Variants in CDK14 observed in about 807,000 individuals in gnomAD.
CDK14 encodes cyclin dependent kinase 14, also known as cyclin-dependent kinase 14.
CDK14 carries 34 observed loss-of-function variants against 60.7 expected under a neutral mutation model. That is an observed-to-expected ratio of 0.56 (90% confidence interval 0.43 to 0.75). CDK14 has a LOEUF of 0.75. Ranked by LOEUF, CDK14 falls within the 30% of genes least tolerant of loss-of-function variation. CDK14 has a pLI of 0.00. For synonymous variants in CDK14, 197 were observed against 203.7 expected, an observed-to-expected ratio of 0.97 and a Z score of 0.28; for missense variants, 482 against 564.1, an observed-to-expected ratio of 0.85 and a Z score of 1.47.
At chr7:90,708,173 G>A (rs982375345) in intron 2 of CDK14, among the ~76,000 whole-genome samples, 3 of 152,198 alleles carry the variant, frequency 2.0e-5, no homozygotes, top group African/African-American at 4.8e-5. Flanking sequence ...GTATTATGTG[G>A]TATTTAAGTA....
At chr7:90,769,693 C>G (rs900478543) in intron 4 of CDK14, among the ~76,000 whole-genome samples, 1 of 152,134 alleles carries the variant, frequency 6.6e-6, no homozygotes, top group African/African-American at 2.4e-5. Flanking sequence ...TCTTGGACTC[C>G]TGACCTCAGG....
intron 2 of CDK14, among the ~76,000 whole-genome samples, chr7:90,667,719 G>A (rs1265730953): frequency 6.6e-6 from 1 of 151,924 alleles, no homozygotes; most frequent in Non-Finnish European, 1.5e-5. Context: ...ATAGGCGCCT[G>A]CCACCACGCC....
At chr7:91,204,594 A>G (rs1802826953) in intron 14 of CDK14, among the ~76,000 whole-genome samples, 1 of 152,230 alleles carries the variant, frequency 6.6e-6, no homozygotes, top group Non-Finnish European at 1.5e-5. Context: ...AAAAATGATC[A>G]AAGGACTTGA....
chr7:90,747,307 T>A (rs780916417), intron 3 of CDK14, among the ~76,000 whole-genome samples: 7 of 152,068 alleles, frequency 4.6e-5, no homozygotes, highest in Non-Finnish European at 1.0e-4. Context: ...TATAATAACA[T>A]GTAAAGTGTT....
chr7:90,847,505 G>A (rs981099005), intron 5 of CDK14, among the ~76,000 whole-genome samples: 2 of 151,996 alleles, frequency 1.3e-5, no homozygotes, highest in Non-Finnish European at 1.5e-5. Context: ...TTTATCCCCT[G>A]AGCTCTGTTT....
chr7:90,922,256 A>G (rs1421214342), intron 8 of CDK14, among the ~76,000 whole-genome samples: 2 of 152,200 alleles, frequency 1.3e-5, no homozygotes, highest in African/African-American at 4.8e-5. Context: ...TTTAATAGCA[A>G]AAACAACTTT....
chr7:91,189,232 A>G (rs1257155338), intron 14 of CDK14, among the ~76,000 whole-genome samples: 1 of 152,210 alleles, frequency 6.6e-6, no homozygotes, highest in Non-Finnish European at 1.5e-5. Context: ...AACTAAGCCA[A>G]GTGCCCAGTA....
chr7:90,927,390 T>G (rs1412437572), intron 8 of CDK14, among the ~76,000 whole-genome samples: 1 of 152,066 alleles, frequency 6.6e-6, no homozygotes, highest in Non-Finnish European at 1.5e-5. Flanking sequence ...TAAGACCAAA[T>G]ATTATAACAA....
At chr7:91,170,400 ATCTACTGCTTAGT>A (rs1801479864) in intron 14 of CDK14, among the ~76,000 whole-genome samples, 1 of 152,192 alleles carries the variant, frequency 6.6e-6, no homozygotes, top group Middle Eastern at 3.2e-3. Flanking sequence ...GTGTGTCCGA[ATCTACTGCTTAGT>A]TCTGATGATG....
At chr7:91,173,480 G>C (rs143821394) in intron 14 of CDK14, among the ~76,000 whole-genome samples, 6 of 151,860 alleles carry the variant, frequency 4.0e-5, no homozygotes, top group South Asian at 2.1e-4. Context: ...GAACAGCTCC[G>C]GTCTATAGCT....
At chr7:90,733,737 A>T (rs1006179639) in intron 3 of CDK14, among the ~76,000 whole-genome samples, 1 of 152,188 alleles carries the variant, frequency 6.6e-6, no homozygotes, top group Non-Finnish European at 1.5e-5. Context: ...AATACAGCAC[A>T]CTGATGGGTC....
chr7:90,736,755 A>G (rs562789491), intron 3 of CDK14, among the ~76,000 whole-genome samples: 47 of 152,314 alleles, frequency 3.1e-4, no homozygotes, highest in African/African-American at 8.4e-4. Flanking sequence ...TAATGAGGAA[A>G]GCATTGTTTT....
In CDK14 at chr7:90,990,144, T is replaced by A. The variant is rs1795488224; in HGVS notation, c.1041+5903T>A. Reference sequence around the variant, plus strand: ...ACAAAAATAATACAGTACAGTGTGGTAGTATGTGCCTATGGTCCCAGCTAC... The same window carrying A: ...ACAAAAATAATACAGTACAGTGTGGAAGTATGTGCCTATGGTCCCAGCTAC... On this transcript the variant is annotated intron_variant, in intron 10 of 14. Coordinates refer to ENST00000380050, the MANE Select transcript of CDK14 (RefSeq NM_001287135.2). Among the ~76,000 whole-genome samples the A allele has an allele frequency of 1.3e-5, 2 of 152,192 alleles. 1 individual carries two copies.
At chr7:91,058,067 C>G (rs1384164875) in intron 11 of CDK14, among the ~76,000 whole-genome samples, 2 of 152,002 alleles carry the variant, frequency 1.3e-5, no homozygotes, top group Non-Finnish European at 2.9e-5. Context: ...TTGTTTGTAT[C>G]CTCTTTTATT....
At position 91,195,267 on chromosome 7, in the gene CDK14, T is replaced by C. The variant is rs563019583; in HGVS notation, c.*29-11898T>C. Among the ~76,000 whole-genome samples the C allele has an allele frequency of 2.0e-5, 3 of 152,320 alleles. No individual in the cohort carries two copies. In the East Asian group the frequency reaches 5.8e-4, roughly 29 times the overall value. Reference sequence around the variant, plus strand: ...AGTTGCTCTTTAAAAGATTTGATAGTATTTCGGAACTCCCAATGCTACAAT... The same window carrying C: ...AGTTGCTCTTTAAAAGATTTGATAGCATTTCGGAACTCCCAATGCTACAAT... On this transcript the variant is annotated intron_variant, in intron 14 of 14. Coordinates refer to ENST00000380050, the MANE Select transcript of CDK14 (RefSeq NM_001287135.2).
chr7:90,854,653 CTT>C (rs575846938), intron 5 of CDK14, among the ~76,000 whole-genome samples: 1 of 144,570 alleles, frequency 6.9e-6, no homozygotes. Context: ...AACCACTCAT[CTT>C]TTTTTTTTTT....
intron 14 of CDK14, among the ~76,000 whole-genome samples, chr7:91,120,726 G>A (rs904814395): frequency 2.0e-5 from 3 of 151,994 alleles, no homozygotes; most frequent in Non-Finnish European, 2.9e-5. Context: ...TAGTAGAGAC[G>A]GGGTTTTGCC....
intron 14 of CDK14, among the ~76,000 whole-genome samples, chr7:91,183,345 C>CT (rs1226454872): frequency 1.3e-5 from 2 of 152,194 alleles, no homozygotes; most frequent in African/African-American, 2.4e-5. Flanking sequence ...CTGGTCTCTT[C>CT]TCCCCTTACA....
Position 91,210,391 on chromosome 7 carries a change from T to G in CDK14, c.*3255T>G. ...TGTGTACTTTCTAACAGGGGATTGG[T>G]ACCTAAGAAATGTGGTAGCATTATT... is the stretch of plus-strand genomic sequence containing the variant. On this transcript the variant is annotated 3_prime_UTR_variant, in exon 15 of 15. Transcript: ENST00000380050. 6.6e-6 allele frequency: 1 copy of G among 152,586 alleles called. No individual in the cohort carries two copies. The highest frequency in any genetic ancestry group is 1.9e-4 in the East Asian group (1 of 5,196). The allele number at this position is 152,586 out of a possible 1,614,324, so 9.5% of individuals were successfully genotyped here. A position where few individuals can be genotyped will look rare whatever the true frequency, so the allele number is the denominator to read the frequency against.
Sources: allele counts gnomAD v4.1 joint callset (sites outside exome capture counted in the v4.1 genomes callset), GRCh38; gene constraint gnomAD v4.1.1; transcripts MANE v1.5; gene names NCBI Gene and HGNC (gene_info 2026-07-23, HGNC 2026-07-21).